BARD1: variants seen among roughly 807,000 people sequenced by gnomAD.
BARD1 encodes BRCA1-associated RING domain protein 1.
BARD1 carries 73 observed loss-of-function variants against 77.0 expected under a neutral mutation model. The ratio of observed to expected loss-of-function variants is 0.95; its 90% CI spans 0.79 to 1.15. The LOEUF (loss-of-function observed/expected upper bound fraction) is 1.15. Among genes scored for constraint, BARD1 ranks in the 50% most tolerant of loss-of-function variants. The pLI, the probability that BARD1 is intolerant of heterozygous loss-of-function variation, is 0.00. For synonymous variants in BARD1, 384 were observed against 338.0 expected, an observed-to-expected ratio of 1.14 and a Z score of -1.49; for missense variants, 993 against 938.8, an observed-to-expected ratio of 1.06 and a Z score of -0.75.
intron 6 of BARD1, among the ~76,000 whole-genome samples, chr2:214,758,157 G>C (rs931482620): frequency 2.6e-5 from 4 of 152,166 alleles, no homozygotes; most frequent in African/African-American, 9.7e-5. Flanking sequence ...TGGTAGTTAA[G>C]AGTTGGGGTT....
At chr2:214,732,397 CTTTTTTT>C in intron 9 of BARD1, among the ~76,000 whole-genome samples, 1 of 142,040 alleles carries the variant, frequency 7.0e-6, no homozygotes, top group South Asian at 2.2e-4. Flanking sequence ...ATTTTTTTTT[CTTTTTTT>C]TTTTTTTCTG....
chr2:214,769,736 G>A (rs748199692), intron 4 of BARD1, among the ~76,000 whole-genome samples: 6 of 151,964 alleles, frequency 3.9e-5, no homozygotes, highest in East Asian at 3.8e-4. Context: ...GCAAGACTCC[G>A]TCTCAAAAAA....
At chr2:214,751,137 ATATATATATATATATT>A (rs1559393063) in intron 7 of BARD1, among the ~76,000 whole-genome samples, 75 of 18,334 alleles carry the variant, frequency 4.1e-3, no homozygotes, top group Middle Eastern at 0.042. Context: ...ATATATATAT[ATATATATATATATATT>A]TTTTTTTTTT....
At chr2:214,745,956 G>T in intron 7 of BARD1, 102 bp from the exon 8 acceptor site, 2 of 1,321,642 alleles carry the variant, frequency 1.5e-6, no homozygotes, top group Non-Finnish European at 2.2e-6. Context: ...TCATTACTTA[G>T]TTTACTCTAA....
At chr2:214,777,224 C>T (rs964208459) in intron 4 of BARD1, among the ~76,000 whole-genome samples, 1 of 152,048 alleles carries the variant, frequency 6.6e-6, no homozygotes, top group African/African-American at 2.4e-5. Flanking sequence ...AAAATTAATG[C>T]AAGTGGTAGG....
At position 214,752,551 on chromosome 2, in the gene BARD1, T is replaced by C. The variant is rs536711200; in HGVS notation, c.1573A>G (p.Ile525Val). 3 of 1,611,796 alleles carry C rather than the reference T, an allele frequency of 1.9e-6. No homozygotes were observed. Among genetic ancestry groups the C allele is most frequent in the Admixed American group, 1.7e-5 (1 of 59,990 alleles). The change falls in exon 7 of 11, where the codon ATA (isoleucine) becomes GTA (valine). Residue 525 changes from isoleucine to valine, a missense_variant. Transcript: ENST00000260947. ...TAATCGACAGGCCGCAGACCAAATA[T>C]ATTACTGGTAAAATAAGTGCAGATG... is the stretch of plus-strand genomic sequence containing the variant. ...SYGASRNAVN[I>V]FGLRPVDYTD... is the part of the protein sequence containing the mutation.
intron 9 of BARD1, among the ~76,000 whole-genome samples, chr2:214,740,657 G>C (rs570428117): frequency 3.3e-5 from 5 of 151,834 alleles, no homozygotes; most frequent in Non-Finnish European, 7.4e-5. Flanking sequence ...ATTTTTTCCA[G>C]AGAGTATCTT....
chr2:214,733,753 C>G (rs1692453646), intron 9 of BARD1, among the ~76,000 whole-genome samples: 1 of 152,050 alleles, frequency 6.6e-6, no homozygotes, highest in African/African-American at 2.4e-5. Flanking sequence ...ATTTTTCAAG[C>G]ACATTTAAAA....
intron 7 of BARD1, among the ~76,000 whole-genome samples, chr2:214,746,070 A>G (rs1437358370): frequency 3.3e-5 from 5 of 152,096 alleles, no homozygotes. Flanking sequence ...AGCTCTCTAT[A>G]CCCAGGGCAT....
At chr2:214,763,533 G>T (rs528526000) in intron 6 of BARD1, among the ~76,000 whole-genome samples, 1 of 152,118 alleles carries the variant, frequency 6.6e-6, no homozygotes, top group Non-Finnish European at 1.5e-5. Flanking sequence ...GCTAAAGGAG[G>T]CCACTTAGAA....
intron 8 of BARD1, 80 bp downstream of exon 8, chr2:214,745,642 A>C: frequency 6.5e-7 from 1 of 1,538,306 alleles, no homozygotes. Context: ...AACATATGTA[A>C]ATTATCAAAG....
intron 6 of BARD1, among the ~76,000 whole-genome samples, chr2:214,753,238 C>A (rs989554925): frequency 3.3e-5 from 5 of 152,104 alleles, no homozygotes; most frequent in Admixed American, 6.6e-5. Context: ...AATGGCTTAA[C>A]TAAGGTCATA....
At chr2:214,779,599 G>A (rs1382289907) in intron 4 of BARD1, among the ~76,000 whole-genome samples, 2 of 152,066 alleles carry the variant, frequency 1.3e-5, no homozygotes, top group African/African-American at 4.8e-5. Context: ...CAGAAATACA[G>A]GAATCTTTGG....
chr2:214,769,660 G>C (rs1157096342), intron 4 of BARD1, among the ~76,000 whole-genome samples: 2 of 152,156 alleles, frequency 1.3e-5, no homozygotes, highest in Non-Finnish European at 2.9e-5. Flanking sequence ...AGAATCACTT[G>C]AGCCCAGGAG....
intron 3 of BARD1, among the ~76,000 whole-genome samples, chr2:214,790,462 A>G (rs1447358088): frequency 6.6e-6 from 1 of 152,190 alleles, no homozygotes; most frequent in East Asian, 1.9e-4. Context: ...TGTTAACATA[A>G]TGATGGCCAT....
At chr2:214,772,132 A>ATT (rs11435361) in intron 4 of BARD1, among the ~76,000 whole-genome samples, 1 of 151,694 alleles carries the variant, frequency 6.6e-6, no homozygotes, top group Non-Finnish European at 1.5e-5. Context: ...TGCCCAGCTA[A>ATT]TTTTTTTTAT....
chr2:214,778,987 G>A (rs4673899), intron 4 of BARD1, among the ~76,000 whole-genome samples: 7,983 of 152,150 alleles, frequency 0.052, 232 homozygotes, highest in Admixed American at 0.083. Flanking sequence ...AGCTACTTAT[G>A]TCTATAACTT....
At chr2:214,738,226 A>G (rs2106004283) in intron 9 of BARD1, among the ~76,000 whole-genome samples, 1 of 152,292 alleles carries the variant, frequency 6.6e-6, no homozygotes, top group East Asian at 1.9e-4. Context: ...TAGCTATTAC[A>G]ACTAGAGATT....
chr2:214,731,138 A>AG (rs1574708669), intron 9 of BARD1: 1 of 65,630 alleles, frequency 1.5e-5, no homozygotes, highest in Admixed American at 2.2e-4. Flanking sequence ...GCTTTGCAGG[A>AG]AAAAAAAAAG....
Sources: allele counts gnomAD v4.1 joint callset (sites outside exome capture counted in the v4.1 genomes callset), GRCh38; gene constraint gnomAD v4.1.1; transcripts MANE v1.5; gene names NCBI Gene and HGNC (gene_info 2026-07-23, HGNC 2026-07-21).